TANC1: variants seen among roughly 807,000 people sequenced by gnomAD.
TANC1 encodes protein TANC1.
In TANC1, 77 loss-of-function variants were observed where a neutral mutation model predicts 149.7. The observed-to-expected ratio is 0.51, with a 90% CI of 0.43 to 0.62. The LOEUF is 0.62. Ranked by LOEUF, TANC1 falls within the 20% of genes least tolerant of loss-of-function variation. TANC1 has a pLI of 0.00. For missense variants in TANC1, 1,985 were observed against 2,321.8 expected, an observed-to-expected ratio of 0.85 and a Z score of 2.98; for synonymous variants, 854 against 925.0, an observed-to-expected ratio of 0.92 and a Z score of 1.39.
At chr2:159,108,719 G>T (rs1222675639) in intron 4 of TANC1, among the ~76,000 whole-genome samples, 2 of 152,212 alleles carry the variant, frequency 1.3e-5, no homozygotes. Context: ...GGGGTGGCTG[G>T]CTGCCTCCAG....
At chr2:159,208,637 C>T (rs1399099446) in intron 19 of TANC1, among the ~76,000 whole-genome samples, 1 of 152,208 alleles carries the variant, frequency 6.6e-6, no homozygotes, top group Non-Finnish European at 1.5e-5. Context: ...ATGCCTGTTG[C>T]CTTATAACAC....
At chr2:159,022,521 G>A (rs772687327) in intron 2 of TANC1, among the ~76,000 whole-genome samples, 15 of 152,092 alleles carry the variant, frequency 9.9e-5, no homozygotes, top group Middle Eastern at 3.2e-3. Context: ...TGAGGTGGGC[G>A]ATTGCTTCAG....
At chr2:158,985,402 T>C (rs1349377990) in intron 1 of TANC1, among the ~76,000 whole-genome samples, 4 of 152,164 alleles carry the variant, frequency 2.6e-5, no homozygotes, top group African/African-American at 9.7e-5. Context: ...AAAGATCTAA[T>C]TGTTGTTTTT....
At chr2:159,066,520 G>C (rs2042682037) in intron 3 of TANC1, among the ~76,000 whole-genome samples, 1 of 152,182 alleles carries the variant, frequency 6.6e-6, no homozygotes, top group African/African-American at 2.4e-5. Flanking sequence ...AAACTTTAAA[G>C]GTTCATAATT....
chr2:159,006,974 T>C (rs906225885), intron 2 of TANC1, among the ~76,000 whole-genome samples: 2 of 152,166 alleles, frequency 1.3e-5, no homozygotes, highest in Non-Finnish European at 2.9e-5. Flanking sequence ...AATATAGTTC[T>C]TACACAGGTA....
chr2:159,016,574 A>ATT (rs199579067), intron 2 of TANC1, among the ~76,000 whole-genome samples: 6 of 147,482 alleles, frequency 4.1e-5, no homozygotes, highest in African/African-American at 1.3e-4. Flanking sequence ...CTTGGTCAAA[A>ATT]TTTTTTGTTT....
intron 2 of TANC1, among the ~76,000 whole-genome samples, chr2:159,031,280 G>C (rs1328149642): frequency 2.0e-5 from 3 of 152,206 alleles, no homozygotes; most frequent in Admixed American, 2.0e-4. Flanking sequence ...AGGGGAGTGT[G>C]GGGGCAAGGG....
intron 2 of TANC1, among the ~76,000 whole-genome samples, chr2:159,042,147 G>A (rs542206261): frequency 6.6e-6 from 1 of 152,166 alleles, no homozygotes; most frequent in Admixed American, 6.5e-5. Context: ...TGGTGGGGAA[G>A]GCAGCAGGTC....
chr2:159,192,799 G>A (rs1406543844), intron 16 of TANC1, among the ~76,000 whole-genome samples: 2 of 152,074 alleles, frequency 1.3e-5, no homozygotes, highest in South Asian at 2.1e-4. Flanking sequence ...ACAGGCGTGC[G>A]CCACCACGCT....
chr2:159,135,658 C>T (rs550196013), intron 4 of TANC1, among the ~76,000 whole-genome samples: 13 of 152,364 alleles, frequency 8.5e-5, no homozygotes, highest in East Asian at 3.9e-4. Context: ...CTGTGCGTCA[C>T]CAGCCAGATA....
intron 1 of TANC1, among the ~76,000 whole-genome samples, chr2:159,000,472 G>A (rs2036527045): frequency 6.6e-6 from 1 of 152,076 alleles, no homozygotes; most frequent in African/African-American, 2.4e-5. Flanking sequence ...AGGGTCTTTT[G>A]GATCAGAGAA....
intron 1 of TANC1, among the ~76,000 whole-genome samples, chr2:158,980,785 A>AG (rs2034218191): frequency 6.6e-6 from 1 of 152,076 alleles, no homozygotes; most frequent in Admixed American, 6.6e-5. Flanking sequence ...AAAAAAAAAA[A>AG]AAAAAATTCT....
chr2:159,123,113 T>C (rs2049025838), intron 4 of TANC1, among the ~76,000 whole-genome samples: 1 of 152,200 alleles, frequency 6.6e-6, no homozygotes, highest in Admixed American at 6.5e-5. Flanking sequence ...TTGCCCTTGA[T>C]CTCTGCACCC....
chr2:159,078,282 C>T (rs1296534742), intron 3 of TANC1, among the ~76,000 whole-genome samples: 2 of 152,166 alleles, frequency 1.3e-5, no homozygotes, highest in Non-Finnish European at 2.9e-5. Context: ...CTCTCTCCTA[C>T]CTGTTTGTTT....
At position 159,219,975 on chromosome 2, in the gene TANC1, AGAGTGT is replaced by A. The variant is rs1181619643; in HGVS notation, c.3678+110_3678+115del. The A allele has an allele frequency of 2.3e-3, 1,686 of 745,752 alleles. 39 individuals are homozygous for A. The highest frequency in any genetic ancestry group is 2.5e-3 in the Non-Finnish European group (1,227 of 487,230). The allele number at this position is 745,752 out of a possible 1,614,324, so 46.2% of individuals were successfully genotyped here. A position where few individuals can be genotyped will look rare whatever the true frequency, so the allele number is the denominator to read the frequency against. Reference sequence around the variant, plus strand: ...TGAGGTTGTGTCTCAGTGTCATCAGAGAGTGTGTGTGTGTGTGTGTGTGTGTGTGTG... The same window carrying A: ...TGAGGTTGTGTCTCAGTGTCATCAGAGTGTGTGTGTGTGTGTGTGTGTGTG... On this transcript the variant is annotated intron_variant, in intron 22 of 26. Transcript: ENST00000263635.
intron 4 of TANC1, 81 bp downstream of exon 4, chr2:159,097,915 A>C: frequency 8.4e-7 from 1 of 1,186,872 alleles, no homozygotes; most frequent in Non-Finnish European, 1.2e-6. Context: ...GCCCATGAGA[A>C]ATCTTCTGGG....
In TANC1 at chr2:159,009,118, T is replaced by C. The variant is rs565293285; in HGVS notation, c.-16+7929T>C. Among the ~76,000 whole-genome samples the C allele has an allele frequency of 2.2e-4, 33 of 152,318 alleles. 1 individual carries two copies. The highest frequency in any genetic ancestry group is 7.7e-4 in the African/African-American group (32 of 41,562). Reference sequence around the variant, plus strand: ...ATAAATTATAGATTGCCCAAAGCTTTATTTTCACTTGAGAGTGTTTAAAAC... The same window carrying C: ...ATAAATTATAGATTGCCCAAAGCTTCATTTTCACTTGAGAGTGTTTAAAAC... On this transcript the variant is annotated intron_variant, in intron 2 of 26. Transcript: ENST00000263635.
At chr2:159,087,415 C>T (rs914084563) in intron 3 of TANC1, among the ~76,000 whole-genome samples, 9 of 147,948 alleles carry the variant, frequency 6.1e-5, no homozygotes, top group Admixed American at 2.7e-4. Context: ...AAGATTTGGC[C>T]GTGCTTTTTT....
At chr2:159,014,317 C>G (rs894693496) in intron 2 of TANC1, among the ~76,000 whole-genome samples, 2 of 152,034 alleles carry the variant, frequency 1.3e-5, no homozygotes, top group African/African-American at 4.8e-5. Context: ...AAGTGGAAAC[C>G]CCTAATAAAA....
Sources: gnomAD v4.1 joint callset for allele counts (sites outside exome capture counted in the v4.1 genomes callset) on GRCh38, gnomAD v4.1.1 for gene constraint, MANE v1.5 for transcripts, NCBI Gene and HGNC (gene_info 2026-07-23, HGNC 2026-07-21) for gene names.